Variants in OPHN1 observed in about 807,000 individuals in gnomAD.
OPHN1 encodes the protein oligophrenin-1.
OPHN1 carries 11 observed loss-of-function variants against 60.7 expected under a neutral mutation model. The ratio of observed to expected loss-of-function variants is 0.18; its 90% CI spans 0.11 to 0.30. The LOEUF (loss-of-function observed/expected upper bound fraction) is 0.30, where lower values mean the gene tolerates loss of function less well. Ranked by LOEUF, OPHN1 falls within the 10% of genes least tolerant of loss-of-function variation. The probability of loss-of-function intolerance (pLI) is 1.00; values close to 1 mark genes in which losing one functional copy is unlikely to be tolerated. For synonymous variants in OPHN1, 226 were observed against 222.6 expected (o/e 1.02, Z -0.14); for missense variants, 449 against 611.0 (o/e 0.73, Z 2.80).
chrX:68,050,899 T>TA (rs1021649678), intron 23 of OPHN1, among the ~76,000 whole-genome samples: 1 of 112,689 alleles, frequency 8.9e-6, no homozygotes, highest in African/African-American at 3.2e-5. Context: ...TAAGCTTACT[T>TA]AAAAAACTTC....
intron 15 of OPHN1, among the ~76,000 whole-genome samples, chrX:68,128,163 C>T (rs1320995464): frequency 9.1e-6 from 1 of 109,660 alleles, no homozygotes; most frequent in Non-Finnish European, 1.9e-5. Flanking sequence ...GCTCTTCCCT[C>T]CTCTGCCTCC....
In OPHN1 at chrX:68,362,494, C is replaced by A. The variant is rs372050114; in HGVS notation, c.155-63398G>T. ...CAATGTCTTGTATACATGAAAATTG[C>A]AAATAAAGTAGATTTTAAATATTCT... On this transcript the variant is annotated intron_variant, in intron 2 of 24. Coordinates refer to ENST00000355520, the MANE Select transcript of OPHN1 (RefSeq NM_002547.3). 1.2e-4 allele frequency among the ~76,000 whole-genome samples: 13 copies of A among 111,562 alleles called. 1 individual carries two copies. The South Asian group carries it at 4.6e-3, about 39-fold the overall frequency.
chrX:68,324,081 A>G (rs2078247572), intron 2 of OPHN1, among the ~76,000 whole-genome samples: 1 of 111,994 alleles, frequency 8.9e-6, no homozygotes, highest in African/African-American at 3.2e-5. Flanking sequence ...TTACTAATAG[A>G]AACTGTATGG....
intron 15 of OPHN1, among the ~76,000 whole-genome samples, chrX:68,177,834 G>A (rs1011861393): frequency 9.0e-6 from 1 of 111,537 alleles, no homozygotes; most frequent in African/African-American, 3.3e-5. Context: ...TCTCCTACTA[G>A]GCCCCACCTC....
intron 19 of OPHN1, among the ~76,000 whole-genome samples, chrX:68,095,613 A>G (rs2077035472): frequency 9.0e-6 from 1 of 111,391 alleles, no homozygotes; most frequent in Non-Finnish European, 1.9e-5. Context: ...TCTTATATGT[A>G]TAAGGACAGC....
intron 15 of OPHN1, among the ~76,000 whole-genome samples, chrX:68,190,752 T>C (rs190332672): frequency 5.5e-4 from 62 of 112,456 alleles, no homozygotes; most frequent in African/African-American, 2.0e-3. Context: ...AATAGTTATC[T>C]GAATAAATAT....
intron 5 of OPHN1, 24 bp downstream of exon 5, chrX:68,274,714 C>A: frequency 9.0e-7 from 1 of 1,105,242 alleles, no homozygotes; most frequent in South Asian, 1.8e-5. Flanking sequence ...TTTAAAAAAT[C>A]TTATGCATAT....
chrX:68,355,039 C>CT (rs1229885841), intron 2 of OPHN1, among the ~76,000 whole-genome samples: 1 of 111,961 alleles, frequency 8.9e-6, no homozygotes. Context: ...ACTGGAGACT[C>CT]TGAGTGACTA....
chrX:68,234,904 T>C (rs2077745392), intron 5 of OPHN1, among the ~76,000 whole-genome samples: 1 of 112,241 alleles, frequency 8.9e-6, no homozygotes, highest in Non-Finnish European at 1.9e-5. Context: ...CTCCAATATT[T>C]TTCACATAGA....
chrX:68,066,704 A>G (rs1204752909), intron 20 of OPHN1, among the ~76,000 whole-genome samples: 1 of 111,932 alleles, frequency 8.9e-6, no homozygotes, highest in African/African-American at 3.3e-5. Flanking sequence ...AGCTCTATAA[A>G]GTAGTACATT....
intron 2 of OPHN1, among the ~76,000 whole-genome samples, chrX:68,320,354 A>T (rs755008499): frequency 3.6e-5 from 4 of 111,179 alleles, no homozygotes; most frequent in East Asian, 2.8e-4. Flanking sequence ...GTCTCAAAAA[A>T]ATATATATAA....
chrX:68,182,577 T>A (rs2077443065), intron 15 of OPHN1, among the ~76,000 whole-genome samples: 1 of 111,220 alleles, frequency 9.0e-6, no homozygotes, highest in Admixed American at 9.5e-5. Flanking sequence ...AGATAATGAA[T>A]GGGCCTAGGG....
chrX:68,101,323 G>A lies in OPHN1; in HGVS notation c.1527-4294C>T, dbSNP rs145908904. 7.4e-3 allele frequency among the ~76,000 whole-genome samples: 833 copies of A among 112,227 alleles called. 11 individuals are homozygous for A. The highest frequency in any genetic ancestry group is 0.045 in the Admixed American group (476 of 10,615). On this transcript the variant is annotated intron_variant, in intron 18 of 24. Coordinates refer to ENST00000355520, the MANE Select transcript of OPHN1 (RefSeq NM_002547.3). ...ACTATAATATGAGCAGCTATTACAA[G>A]TTCATGCATATGGAGGCCATGATAA...
At chrX:68,309,048 A>AAGTGTTGGG (rs2078160344) in intron 2 of OPHN1, among the ~76,000 whole-genome samples, 1 of 111,200 alleles carries the variant, frequency 9.0e-6, no homozygotes. Context: ...TGGCCTCCCA[A>AAGTGTTGGG]AGTGTTGGGA....
rs759573113 is a variant in OPHN1 at position 68,044,139 on chromosome X, T to C, written c.*3033A>G. On this transcript the variant is annotated 3_prime_UTR_variant, in exon 25 of 25. Transcript: ENST00000355520. The stretch of plus-strand genomic sequence containing the variant: ...TCTTCCAGCCCAGTTTGCATTTCCA[T>C]ATAAACTGAACCTGCACCCCCTCCC... The C allele has an allele frequency of 1.3e-4, 15 of 112,483 alleles. No homozygotes were observed. Among genetic ancestry groups the C allele is most frequent in the Non-Finnish European group, 2.8e-4 (15 of 53,321 alleles). The allele number at this position is 112,483 out of a possible 1,213,427, so 9.3% of individuals were successfully genotyped here. A position where few individuals can be genotyped will look rare whatever the true frequency, so the allele number is the denominator to read the frequency against.
At chrX:68,193,041 G>A in intron 14 of OPHN1, 48 bp from the exon 15 acceptor site, 1 of 995,838 alleles carries the variant, frequency 1.0e-6, no homozygotes, top group Non-Finnish European at 1.4e-6. Context: ...AGCTAGAGTT[G>A]TCATCTCCCC....
intron 14 of OPHN1, among the ~76,000 whole-genome samples, chrX:68,193,313 G>A (rs1378033682): frequency 8.9e-6 from 1 of 112,001 alleles, no homozygotes; most frequent in Non-Finnish European, 1.9e-5. Context: ...AATTGAAAAA[G>A]GAGGAAGGAT....
At chrX:68,192,736 CA>C in intron 15 of OPHN1, 182 bp downstream of exon 15, 1 of 440,013 alleles carries the variant, frequency 2.3e-6, no homozygotes, top group African/African-American at 2.4e-5. Flanking sequence ...GGAGAGATAA[CA>C]GCCATTTTCA....
At chrX:68,338,419 A>C (rs2078334620) in intron 2 of OPHN1, among the ~76,000 whole-genome samples, 1 of 112,376 alleles carries the variant, frequency 8.9e-6, no homozygotes, top group African/African-American at 3.2e-5. Flanking sequence ...CAGGAATAAA[A>C]TTAGAAATTA....
Sources: gnomAD v4.1 joint callset for allele counts (sites outside exome capture counted in the v4.1 genomes callset) on GRCh38, gnomAD v4.1.1 for gene constraint, MANE v1.5 for transcripts, NCBI Gene and HGNC (gene_info 2026-07-23, HGNC 2026-07-21) for gene names.